Variants in SPATA17 observed in about 807,000 individuals in gnomAD.
SPATA17 encodes spermatogenesis-associated protein 17.
SPATA17 carries 53 observed loss-of-function variants against 62.2 expected under a neutral mutation model. That is an observed-to-expected ratio of 0.85 (90% CI 0.68 to 1.07). The LOEUF is 1.07. Among genes scored for constraint, SPATA17 ranks in the 50% least tolerant of loss-of-function variants. The probability of loss-of-function intolerance (pLI) is 0.00; values close to 1 mark genes in which losing one functional copy is unlikely to be tolerated. For synonymous variants in SPATA17, 146 were observed against 146.8 expected (o/e 0.99, Z 0.04); for missense variants, 466 against 425.5 (o/e 1.10, Z -0.84).
chr1:217,828,093 A>G lies in SPATA17; in HGVS notation c.1005+26243A>G, dbSNP rs554018480. On this transcript the variant is annotated intron_variant, in intron 9 of 10. Transcript: ENST00000366933. The stretch of plus-strand genomic sequence containing the variant: ...AGAAAACAAAAATCCTAAAATTTGT[A>G]TGGAACCACAAAAGAAACCTGAATA... Among the ~76,000 whole-genome samples, 10 of 152,278 alleles carry G rather than the reference A, an allele frequency of 6.6e-5. No individual in the cohort carries two copies. In the South Asian group the frequency reaches 2.1e-3, roughly 32 times the overall value.
chr1:217,778,988 C>A (rs986506579), intron 7 of SPATA17, among the ~76,000 whole-genome samples: 3 of 151,786 alleles, frequency 2.0e-5, no homozygotes, highest in East Asian at 1.9e-4. Context: ...GTATGGAATG[C>A]ATAGGCAGAA....
At chr1:217,848,728 G>T (rs1452860772) in intron 9 of SPATA17, among the ~76,000 whole-genome samples, 1 of 151,954 alleles carries the variant, frequency 6.6e-6, no homozygotes, top group East Asian at 1.9e-4. Flanking sequence ...CTGTCATTCT[G>T]CTTTGTGAAA....
intron 4 of SPATA17, among the ~76,000 whole-genome samples, chr1:217,682,014 A>C (rs1053834922): frequency 6.6e-6 from 1 of 152,148 alleles, no homozygotes; most frequent in African/African-American, 2.4e-5. Flanking sequence ...ATATCCAAAA[A>C]GGGAATGATT....
intron 5 of SPATA17, among the ~76,000 whole-genome samples, chr1:217,709,190 A>G (rs6604555): frequency 0.19 from 28,944 of 152,112 alleles, 3,080 homozygotes; most frequent in African/African-American, 0.29. Flanking sequence ...GATCAGGACT[A>G]TATAATTGCC....
At chr1:217,765,927 T>C (rs1227199513) in intron 6 of SPATA17, among the ~76,000 whole-genome samples, 1 of 152,076 alleles carries the variant, frequency 6.6e-6, no homozygotes, top group Non-Finnish European at 1.5e-5. Flanking sequence ...TTATCCCTGA[T>C]AATTTTCCTT....
chr1:217,828,091 G>A (rs1180780848), intron 9 of SPATA17, among the ~76,000 whole-genome samples: 1 of 152,058 alleles, frequency 6.6e-6, no homozygotes, highest in Non-Finnish European at 1.5e-5. Flanking sequence ...CCTAAAATTT[G>A]TATGGAACCA....
intron 5 of SPATA17, among the ~76,000 whole-genome samples, chr1:217,687,247 C>A (rs186892819): frequency 2.0e-5 from 3 of 151,660 alleles, no homozygotes; most frequent in Admixed American, 2.0e-4. Flanking sequence ...ATATAATGTT[C>A]TCATATTCTA....
chr1:217,631,563 C>A, intron 1 of SPATA17, 117 bp downstream of exon 1: 1 of 1,015,552 alleles, frequency 9.8e-7, no homozygotes, highest in Non-Finnish European at 1.5e-6. Context: ...AAGTAGTACC[C>A]AATTCTTCCC....
intron 10 of SPATA17, among the ~76,000 whole-genome samples, chr1:217,863,972 G>A (rs1190688354): frequency 1.3e-5 from 2 of 152,146 alleles, no homozygotes; most frequent in Non-Finnish European, 2.9e-5. Context: ...TCGATTTTAT[G>A]TTACTCTTTC....
intron 5 of SPATA17, among the ~76,000 whole-genome samples, chr1:217,701,118 G>A (rs1049959866): frequency 6.6e-6 from 1 of 150,574 alleles, no homozygotes; most frequent in African/African-American, 2.4e-5. Context: ...GGGACTGTAG[G>A]CGCACACCAC....
At chr1:217,650,639 G>C (rs1360084859) in intron 2 of SPATA17, among the ~76,000 whole-genome samples, 1 of 151,952 alleles carries the variant, frequency 6.6e-6, no homozygotes, top group African/African-American at 2.4e-5. Context: ...GGCCAGGCTG[G>C]TCTCAAACTC....
At chr1:217,743,683 C>T (rs1672677295) in intron 6 of SPATA17, among the ~76,000 whole-genome samples, 1 of 151,922 alleles carries the variant, frequency 6.6e-6, no homozygotes, top group Non-Finnish European at 1.5e-5. Context: ...GATCTTGGCT[C>T]ACTGCAACCT....
At chr1:217,743,491 ACT>A (rs1672673922) in intron 6 of SPATA17, among the ~76,000 whole-genome samples, 2 of 151,986 alleles carry the variant, frequency 1.3e-5, no homozygotes, top group African/African-American at 4.8e-5. Flanking sequence ...AATTTTAATA[ACT>A]CTGAACCATC....
In SPATA17 at chr1:217,632,295, C is replaced by T. The variant is rs574125554; in HGVS notation, c.68+849C>T. Among the ~76,000 whole-genome samples the T allele has an allele frequency of 1.3e-4, 20 of 152,158 alleles. 1 individual carries two copies. The East Asian group carries it at 2.9e-3, about 22-fold the overall frequency. On this transcript the variant is annotated intron_variant, in intron 1 of 10. Transcript: ENST00000366933. ...ATTAATAGATAACGGGTAAGAAAAC[C>T]ACTAGCAGTCTTCTTCATCTCCCTA...
chr1:217,749,985 C>CTCTCTCTGTATA, intron 6 of SPATA17, among the ~76,000 whole-genome samples: 1 of 12,316 alleles, frequency 8.1e-5, no homozygotes, highest in African/African-American at 3.0e-4. Flanking sequence ...CTCTCTCTCT[C>CTCTCTCTGTATA]TATATATATA....
At chr1:217,702,154 A>G (rs2102920175) in intron 5 of SPATA17, among the ~76,000 whole-genome samples, 2 of 152,142 alleles carry the variant, frequency 1.3e-5, no homozygotes, top group South Asian at 4.1e-4. Context: ...CACATGTTTA[A>G]GTGTTCTATA....
chr1:217,782,636 G>A (rs1044768269), intron 8 of SPATA17, among the ~76,000 whole-genome samples: 2 of 151,908 alleles, frequency 1.3e-5, no homozygotes, highest in African/African-American at 2.4e-5. Context: ...TTTATGAAAC[G>A]CCTAAAATAA....
At chr1:217,660,670 G>A (rs145863536) in intron 3 of SPATA17, among the ~76,000 whole-genome samples, 1 of 152,208 alleles carries the variant, frequency 6.6e-6, no homozygotes, top group East Asian at 1.9e-4. Flanking sequence ...CTTTTCCTCT[G>A]GCAAAAGAAT....
At chr1:217,857,697 CCAAAGTT>C (rs573878928) in intron 9 of SPATA17, among the ~76,000 whole-genome samples, 152 of 152,272 alleles carry the variant, frequency 1.0e-3, no homozygotes, top group African/African-American at 3.5e-3. Flanking sequence ...TCTCCCAAAA[CCAAAGTT>C]CTCCTGATGG....
Sources: allele counts gnomAD v4.1 joint callset (sites outside exome capture counted in the v4.1 genomes callset), GRCh38; gene constraint gnomAD v4.1.1; transcripts MANE v1.5; gene names NCBI Gene and HGNC (gene_info 2026-07-23, HGNC 2026-07-21).